Variants in ADCY6 observed in about 807,000 individuals in gnomAD.
The protein encoded by ADCY6 is adenylate cyclase 6.
Under a neutral mutation model 111.6 loss-of-function variants are expected in ADCY6, and 59 were observed. The ratio of observed to expected loss-of-function variants is 0.53; its 90% confidence interval spans 0.43 to 0.66. ADCY6 has a LOEUF of 0.66. Among genes scored for constraint, ADCY6 ranks in the 30% least tolerant of loss-of-function variants. The pLI, the probability that ADCY6 is intolerant of heterozygous loss-of-function variation, is 0.00. For synonymous variants in ADCY6, 576 were observed against 642.9 expected, an observed-to-expected ratio of 0.90 and a Z score of 1.57; for missense variants, 1,242 against 1,595.6, an observed-to-expected ratio of 0.78 and a Z score of 3.78.
In ADCY6 at chr12:48,777,290, C is replaced by A; in HGVS notation, c.1249-59G>T. 1 of 1,593,312 alleles carries A rather than the reference C, an allele frequency of 6.3e-7. No homozygotes were observed. The highest frequency in any genetic ancestry group is 8.6e-7 in the Non-Finnish European group (1 of 1,169,208). ...TTTACTCTCTTGCCCACCCAGCCTG[C>A]ATGGCCCACCACCCTCCACGCATAC... On this transcript the variant is annotated intron_variant, in intron 5 of 21. Coordinates refer to ENST00000357869, the MANE Select transcript of ADCY6 (RefSeq NM_015270.5). This position sits in a 1 kb window ranked among gnomAD's most constrained non-coding sequence, Gnocchi z 4.9.
At chr12:48,775,106 G>A in intron 11 of ADCY6, 52 bp from the exon 12 acceptor site, 1 of 1,489,454 alleles carries the variant, frequency 6.7e-7, no homozygotes, top group South Asian at 1.2e-5. Flanking sequence ...AGGAAGGCAG[G>A]GACAGCAAGG....
At chr12:48,772,080 GC>G in intron 18 of ADCY6, 107 bp from the exon 19 acceptor site, 1 of 1,468,092 alleles carries the variant, frequency 6.8e-7, no homozygotes, top group Non-Finnish European at 9.1e-7. Flanking sequence ...AGAAAGAAAG[GC>G]CCAGACAGAT....
rs771054930 is a variant in ADCY6, at chr12:48,772,508, C to T, written c.2657G>A (p.Cys886Tyr). ...TTGCTGCCTCGGAGCCCTCACTTAC[C>T]AGTCCAGCCCATCAAAGGTCTCATT... ...SSNETFDGLD[C>Y]PAAGRVALKY... The change falls in exon 17 of 22, where the codon TGT becomes TAT. Residue 886 changes from cysteine (C) to tyrosine (Y), a missense_variant and splice_region_variant. Coordinates refer to ENST00000357869, the MANE Select transcript of ADCY6 (RefSeq NM_015270.5). The T allele has an allele frequency of 6.2e-7, 1 of 1,614,202 alleles. No homozygotes were observed. The highest frequency in any genetic ancestry group is 8.5e-7 in the Non-Finnish European group (1 of 1,180,044).
At position 48,774,775 on chromosome 12, in the gene ADCY6, G is replaced by A; in HGVS notation, c.2082C>T (p.Ser694=). The change falls in exon 13 of 22, where the codon TCC becomes TCT. Residue 694 remains serine (S), a synonymous_variant. Transcript: ENST00000357869. ...CFIQLLIFPH[S]TLMLGIYASI... ...TGGCATAGATCCCAAGCATCAGGGT[G>A]GAGCTGGGGCAGAACAGGGCCAGAA... 6.2e-7 allele frequency: 1 copy of A among 1,614,066 alleles called. No individual in the cohort carries two copies. The highest frequency in any genetic ancestry group is 1.1e-5 in the South Asian group (1 of 91,078).
rs1190069791 is a variant in ADCY6, at chr12:48,767,712, C to T, written c.*879G>A. The T allele has an allele frequency of 6.5e-6, 1 of 152,784 alleles. No individual in the cohort carries two copies. The highest frequency in any genetic ancestry group is 1.9e-4 in the East Asian group (1 of 5,174). The allele number at this position is 152,784 out of a possible 1,614,324, so 9.5% of individuals were successfully genotyped here. A position where few individuals can be genotyped will look rare whatever the true frequency, so the allele number is the denominator to read the frequency against. ...AGCAGACAGCAAGAGAGCACTGGGG[C>T]AGAGTGACCTGATCTGGACCCCGAC... On this transcript the variant is annotated 3_prime_UTR_variant, in exon 22 of 22. Transcript: ENST00000357869.
In ADCY6 at chr12:48,769,037, G is replaced by T; in HGVS notation, c.3281C>A (p.Ala1094Glu). The change falls in exon 21 of 22, where the codon GCA becomes GAA. Residue 1094 changes from alanine to glutamate, a missense_variant. This residue lies in a region of ADCY6 where 245 missense variants were observed against 371.3 expected (regional missense o/e 0.66). Coordinates refer to ENST00000357869, the MANE Select transcript of ADCY6 (RefSeq NM_015270.5). ...KIGLNMGPVV[A>E]GVIGARKPQY... is the part of the protein sequence containing the mutation. Reference sequence around the variant, plus strand: ...TGGCTTCCGAGCCCCGATGACACCTGCCACGACTGGGCCCATGTTCAGCCC... The same window carrying T: ...TGGCTTCCGAGCCCCGATGACACCTTCCACGACTGGGCCCATGTTCAGCCC... 6.2e-7 allele frequency: 1 copy of T among 1,613,202 alleles called. No individual in the cohort carries two copies. The highest frequency in any genetic ancestry group is 8.5e-7 in the Non-Finnish European group (1 of 1,179,590).
Position 48,775,374 on chromosome 12 carries a change from T to C in ADCY6, c.1909A>G (p.Ile637Val), listed in dbSNP as rs1949040491. 1 of 1,614,174 alleles carries C rather than the reference T, an allele frequency of 6.2e-7. No individual in the cohort carries two copies. Among genetic ancestry groups the C allele is most frequent in the Non-Finnish European group, 8.5e-7 (1 of 1,180,022 alleles). ...FLSRAIDARS[I>V]DQLRKDHVRR... The stretch of plus-strand genomic sequence containing the variant: ...ACATGGTCCTTCCGCAGCTGATCAA[T>C]GCTGCGGGCATCGATGGCACGGCTC... The change falls in exon 11 of 22, where the codon ATT becomes GTT. Residue 637 changes from isoleucine to valine, a missense_variant. Physicochemically the swap from Ile to Val is conservative, Grantham distance 29. Coordinates refer to ENST00000357869, the MANE Select transcript of ADCY6 (RefSeq NM_015270.5).
chr12:48,784,675 T>TTTTG (rs1941945675), intron 1 of ADCY6, among the ~76,000 whole-genome samples: 1 of 138,858 alleles, frequency 7.2e-6, no homozygotes, highest in African/African-American at 2.7e-5. Context: ...GTTTTTTTTT[T>TTTTG]TTTTTTTTTT....
rs370933996 is a variant in ADCY6 at position 48,769,039 on chromosome 12, C to T, written c.3279G>A (p.Val1093=). Residue 1093 remains valine, a synonymous_variant, in exon 21 of 22, where the codon GTG becomes GTA. Coordinates refer to ENST00000357869, the MANE Select transcript of ADCY6 (RefSeq NM_015270.5). ...GCTTCCGAGCCCCGATGACACCTGC[C>T]ACGACTGGGCCCATGTTCAGCCCTG... The part of the protein sequence containing the change: ...MKIGLNMGPV[V]AGVIGARKPQ... The T allele has an allele frequency of 4.3e-6, 7 of 1,612,990 alleles. No homozygotes were observed. The highest frequency in any genetic ancestry group is 5.1e-6 in the Non-Finnish European group (6 of 1,179,530).
chr12:48,771,682 T>C lies in ADCY6; in HGVS notation c.3051+28A>G. 1 of 1,613,220 alleles carries C rather than the reference T, an allele frequency of 6.2e-7. No homozygotes were observed. The highest frequency in any genetic ancestry group is 8.5e-7 in the Non-Finnish European group (1 of 1,179,994). On this transcript the variant is annotated intron_variant, in intron 19 of 21. Coordinates refer to ENST00000357869, the MANE Select transcript of ADCY6 (RefSeq NM_015270.5). The surrounding 1 kb of genome is among the most constrained non-coding windows in gnomAD (Gnocchi z 4.3). ...TGGTCTCCAAGTACCCCCCACTCTC[T>C]GCCACCACCAGCCAACTGGAAAAGT...
rs1941897131 is a variant in ADCY6, at chr12:48,783,155, T to C, written c.280A>G (p.Thr94Ala). The C allele has an allele frequency of 1.9e-6, 3 of 1,607,464 alleles. No homozygotes were observed. The highest frequency in any genetic ancestry group is 2.5e-6 in the Non-Finnish European group (3 of 1,179,508). ...CCGCCCGCTGTCGTTGTCACCTCGG[T>C]ATCCTCGAAGCCCAGGGCCACTGCC... ...LRAVALGFEDTEVTTTAGGTA... is the reference protein window; with the variant it reads ...LRAVALGFEDAEVTTTAGGTA... Residue 94 changes from threonine to alanine, a missense_variant, in exon 2 of 22, where the codon ACC (threonine) becomes GCC (alanine). By Grantham distance (58) the Thr-to-Ala change is moderately conservative (BLOSUM62 0). This residue lies in a region of ADCY6 where 362 missense variants were observed against 377.2 expected (regional missense o/e 0.96). Transcript: ENST00000357869.
At chr12:48,787,422 G>A (rs763833260) in intron 1 of ADCY6, among the ~76,000 whole-genome samples, 1 of 152,140 alleles carries the variant, frequency 6.6e-6, no homozygotes, top group Non-Finnish European at 1.5e-5. Context: ...CCCCCCCAAG[G>A]GGATAGCTTC....
At position 48,778,171 on chromosome 12, in the gene ADCY6, G is replaced by A; in HGVS notation, c.951C>T (p.Ala317=). ...HYPAEVSQRQ[A]FQETRGYIQA... is the part of the protein sequence containing the mutation. ...GGATGTAACCGCGGGTCTCCTGAAAGGCCTGGCGCTGAGACACCTCTGCTG... is the reference window on the plus strand; with the variant it reads ...GGATGTAACCGCGGGTCTCCTGAAAAGCCTGGCGCTGAGACACCTCTGCTG... The change falls in exon 3 of 22, where the codon GCC becomes GCT. Residue 317 remains alanine, a synonymous_variant. Transcript: ENST00000357869. The A allele has an allele frequency of 6.2e-7, 1 of 1,614,098 alleles. No individual in the cohort carries two copies. The highest frequency in any genetic ancestry group is 1.1e-5 in the South Asian group (1 of 91,076).
At chr12:48,779,390 T>C (rs1013410835) in intron 2 of ADCY6, among the ~76,000 whole-genome samples, 1 of 152,150 alleles carries the variant, frequency 6.6e-6, no homozygotes. Flanking sequence ...CCATACTTTG[T>C]AGTGCATTCC....
Position 48,777,185 on chromosome 12 carries a change from C to T in ADCY6, c.1295G>A (p.Cys432Tyr), listed in dbSNP as rs1189991772. Reference sequence around the variant, plus strand: ...CCGGGCCTCCGGCAGCCCTGACACACAGTAGTAACAGTCCCCCAAGATCTT... The same window carrying T: ...CCGGGCCTCCGGCAGCCCTGACACATAGTAGTAACAGTCCCCCAAGATCTT... Reference protein sequence around the residue: ...RIKILGDCYYCVSGLPEARAD... With the variant: ...RIKILGDCYYYVSGLPEARAD... Residue 432 changes from cysteine to tyrosine, a missense_variant, in exon 6 of 22, where the codon TGT becomes TAT. Around this residue, in one of 4 missense-constraint regions of ADCY6, gnomAD observed 260 missense variants for 414.6 expected, o/e 0.63. Coordinates refer to ENST00000357869, the MANE Select transcript of ADCY6 (RefSeq NM_015270.5). This position sits in a 1 kb window ranked among gnomAD's most constrained non-coding sequence, Gnocchi z 4.9. 6.2e-7 allele frequency: 1 copy of T among 1,613,976 alleles called. No homozygotes were observed. Among genetic ancestry groups the T allele is most frequent in the Non-Finnish European group, 8.5e-7 (1 of 1,179,964 alleles).
At chr12:48,785,530 A>G (rs1339932537) in intron 1 of ADCY6, among the ~76,000 whole-genome samples, 1 of 152,188 alleles carries the variant, frequency 6.6e-6, no homozygotes, top group Non-Finnish European at 1.5e-5. Flanking sequence ...GAGGTGAGAG[A>G]ATCACTTAAA....
At position 48,766,852 on chromosome 12, in the gene ADCY6, G is replaced by C. The variant is rs966170898; in HGVS notation, c.*1739C>G. 6.6e-6 allele frequency: 1 copy of C among 152,270 alleles called. No homozygotes were observed. The highest frequency in any genetic ancestry group is 6.5e-5 in the Admixed American group (1 of 15,270). The allele number at this position is 152,270 out of a possible 1,614,324, so 9.4% of individuals were successfully genotyped here. A position where few individuals can be genotyped will look rare whatever the true frequency, so the allele number is the denominator to read the frequency against. On this transcript the variant is annotated 3_prime_UTR_variant, in exon 22 of 22. Coordinates refer to ENST00000357869, the MANE Select transcript of ADCY6 (RefSeq NM_015270.5). ...AGCAAAATTCAGGCTAGTGCCTTTG[G>C]CTTAAATAGGTACAGACAGAGAAAC...
chr12:48,774,745 G>A lies in ADCY6; in HGVS notation c.2112C>T (p.Ile704=), dbSNP rs1233205294. 1 of 1,614,188 alleles carries A rather than the reference G, an allele frequency of 6.2e-7. No individual in the cohort carries two copies. The highest frequency in any genetic ancestry group is 1.1e-5 in the South Asian group (1 of 91,078). ...STLMLGIYAS[I]FLLLLITVLI... ...GCACGGTGATTAGCAGCAGCAGGAA[G>A]ATGCTGGCATAGATCCCAAGCATCA... Residue 704 remains isoleucine (I), a synonymous_variant, in exon 13 of 22, where the codon ATC becomes ATT. Coordinates refer to ENST00000357869, the MANE Select transcript of ADCY6 (RefSeq NM_015270.5).
Position 48,776,422 on chromosome 12 carries a change from A to ACT in ADCY6, c.1535+4_1535+5dup. On this transcript the variant is annotated splice_donor_region_variant and intron_variant, in intron 7 of 21. Coordinates refer to ENST00000357869, the MANE Select transcript of ADCY6 (RefSeq NM_015270.5). This position sits in a 1 kb window ranked among gnomAD's most constrained non-coding sequence, Gnocchi z 6.1. ...CCATCCCCCCCACCTGGACCCCCCT[A>ACT]CTCACCCAGCCCGGCCTCCTGCCTC... 9.2e-7 allele frequency: 1 copy of ACT among 1,081,984 alleles called. No homozygotes were observed. Among genetic ancestry groups the ACT allele is most frequent in the Non-Finnish European group, 1.3e-6 (1 of 778,422 alleles). The allele number at this position is 1,081,984 out of a possible 1,614,324, so 67.0% of individuals were successfully genotyped here.
Sources: allele counts gnomAD v4.1 joint callset (sites outside exome capture counted in the v4.1 genomes callset), GRCh38; gene constraint gnomAD v4.1.1; regional missense constraint gnomAD v4.1.1; non-coding constraint Gnocchi (gnomAD v3.1); transcripts MANE v1.5; gene names NCBI Gene and HGNC (gene_info 2026-07-23, HGNC 2026-07-21).